TENM3: variants seen among roughly 807,000 people sequenced by gnomAD.
The protein encoded by TENM3 is teneurin transmembrane protein 3, also known as teneurin-3.
Under a neutral mutation model 255.1 loss-of-function variants are expected in TENM3, and 63 were observed. That is an observed-to-expected ratio of 0.25 (90% CI 0.20 to 0.30). The LOEUF (loss-of-function observed/expected upper bound fraction) is 0.30. Among genes scored for constraint, TENM3 ranks in the 10% least tolerant of loss-of-function variants. TENM3 has a pLI of 1.00. For missense variants in TENM3, 2,929 were observed against 3,461.1 expected (o/e 0.85, Z 3.86); for synonymous variants, 1,306 against 1,322.3 (o/e 0.99, Z 0.27).
chr4:181,769,717 C>T, the TENM3 span, among the ~76,000 whole-genome samples: 1 of 152,018 alleles, frequency 6.6e-6, no homozygotes, highest in Admixed American at 6.6e-5. Context: ...TTTTTTTGCC[C>T]TATTTTTAAT....
the TENM3 span, among the ~76,000 whole-genome samples, chr4:181,937,583 G>C: frequency 2.0e-5 from 3 of 152,156 alleles, no homozygotes; most frequent in African/African-American, 7.2e-5. Context: ...GAGGACAGAC[G>C]TGATCATGAC....
At chr4:182,319,541 G>A (rs1257307024) in intron 1 of TENM3, among the ~76,000 whole-genome samples, 1 of 152,202 alleles carries the variant, frequency 6.6e-6, no homozygotes, top group Non-Finnish European at 1.5e-5. Flanking sequence ...ACATCTTGAT[G>A]TATTGTGGCA....
chr4:182,115,675 T>C, the TENM3 span, among the ~76,000 whole-genome samples: 1 of 152,202 alleles, frequency 6.6e-6, no homozygotes, highest in Non-Finnish European at 1.5e-5. Flanking sequence ...AGCTTTCTCT[T>C]TTCTCATTCA....
chr4:182,164,637 T>C (rs537637439), intron 1 of TENM3, among the ~76,000 whole-genome samples: 3 of 152,348 alleles, frequency 2.0e-5, no homozygotes, highest in South Asian at 4.1e-4. Context: ...AGACATGATA[T>C]GTGTCTTTCT....
the TENM3 span, among the ~76,000 whole-genome samples, chr4:181,816,622 G>A: frequency 6.6e-6 from 1 of 152,094 alleles, no homozygotes; most frequent in African/African-American, 2.4e-5. Flanking sequence ...TAAAAATGAA[G>A]TCATTATCTT....
chr4:182,236,921 T>C (rs555895745), intron 1 of TENM3, among the ~76,000 whole-genome samples: 1 of 152,340 alleles, frequency 6.6e-6, no homozygotes, highest in East Asian at 1.9e-4. Flanking sequence ...CCTGGTGGTT[T>C]GCTGCACCTA....
chr4:182,584,679 G>A (rs115070173), intron 3 of TENM3, among the ~76,000 whole-genome samples: 5,075 of 151,714 alleles, frequency 0.033, 119 homozygotes, highest in Non-Finnish European at 0.055. Flanking sequence ...TTATTCTGTC[G>A]CCCAGGCTGG....
At chr4:181,596,608 A>AG in the TENM3 span, among the ~76,000 whole-genome samples, 5 of 152,236 alleles carry the variant, frequency 3.3e-5, no homozygotes, top group Admixed American at 2.6e-4. Flanking sequence ...GCTAAAAAAA[A>AG]GAACTATTTA....
the TENM3 span, among the ~76,000 whole-genome samples, chr4:181,691,671 T>C: frequency 3.3e-5 from 5 of 152,156 alleles, no homozygotes; most frequent in Non-Finnish European, 5.9e-5. Context: ...AGAACTAGTG[T>C]GACCATTATA....
the TENM3 span, among the ~76,000 whole-genome samples, chr4:181,875,267 G>T: frequency 2.0e-5 from 3 of 152,050 alleles, no homozygotes. Flanking sequence ...CCTCACTTTT[G>T]TAATAAATGA....
intron 4 of TENM3, among the ~76,000 whole-genome samples, chr4:182,603,765 T>TTA (rs760690038): frequency 0.066 from 6,289 of 95,474 alleles, 333 homozygotes; most frequent in Non-Finnish European, 0.1. Context: ...TGGCAATTAT[T>TTA]TATATATATA....
intron 1 of TENM3, among the ~76,000 whole-genome samples, chr4:182,255,860 C>A (rs1028428337): frequency 6.6e-6 from 1 of 152,108 alleles, no homozygotes; most frequent in African/African-American, 2.4e-5. Context: ...AAGTTATATT[C>A]TAAAAATGTT....
chr4:182,727,520 T>C (rs17073910), intron 13 of TENM3, among the ~76,000 whole-genome samples: 2,248 of 151,170 alleles, frequency 0.015, 65 homozygotes, highest in South Asian at 0.12. Context: ...TAAAGGATAA[T>C]GTTATCAAAT....
chr4:182,100,878 G>C, the TENM3 span, among the ~76,000 whole-genome samples: 2 of 124,254 alleles, frequency 1.6e-5, no homozygotes, highest in Non-Finnish European at 3.3e-5. Flanking sequence ...TATATATAGA[G>C]AGAGAGAGAG....
chr4:182,299,247 A>T (rs1450836862), intron 1 of TENM3, among the ~76,000 whole-genome samples: 1 of 152,056 alleles, frequency 6.6e-6, no homozygotes, highest in Admixed American at 6.6e-5. Flanking sequence ...AAGCAGGGGC[A>T]TGCGTACATC....
chr4:182,221,392 C>T (rs1377386861), intron 1 of TENM3, among the ~76,000 whole-genome samples: 2 of 152,152 alleles, frequency 1.3e-5, no homozygotes, highest in African/African-American at 4.8e-5. Flanking sequence ...CACTGTGTTG[C>T]TGTCCCAAAA....
At chr4:182,135,655 G>C in the TENM3 span, among the ~76,000 whole-genome samples, 6 of 152,222 alleles carry the variant, frequency 3.9e-5, no homozygotes, top group African/African-American at 1.4e-4. Context: ...TGAGAAAATA[G>C]CATATGACCA....
At chr4:182,304,460 C>T (rs1762024595) in intron 1 of TENM3, among the ~76,000 whole-genome samples, 2 of 152,160 alleles carry the variant, frequency 1.3e-5, no homozygotes, top group South Asian at 4.1e-4. Context: ...GATCCACCCG[C>T]CTCGGCCTCC....
At chr4:181,686,170 C>G in the TENM3 span, among the ~76,000 whole-genome samples, 1 of 152,232 alleles carries the variant, frequency 6.6e-6, no homozygotes, top group South Asian at 2.1e-4. Flanking sequence ...TCAGCAGCTG[C>G]AGATAGTGGA....
Sources: allele counts gnomAD v4.1 joint callset (sites outside exome capture counted in the v4.1 genomes callset), GRCh38; gene constraint gnomAD v4.1.1; transcripts MANE v1.5; gene names NCBI Gene and HGNC (gene_info 2026-07-23, HGNC 2026-07-21).